The following TCF25 variants were observed in gnomAD, a reference collection of about 807,000 sequenced individuals.
TCF25 encodes ribosome quality control complex subunit TCF25.
A neutral mutation model predicts 83.1 loss-of-function variants in TCF25; 41 were observed. The ratio of observed to expected loss-of-function variants is 0.49; its 90% CI spans 0.38 to 0.64. The LOEUF (loss-of-function observed/expected upper bound fraction) is 0.64. Among genes scored for constraint, TCF25 ranks in the 30% least tolerant of loss-of-function variants. The pLI is 0.00. For missense variants in TCF25, 979 were observed against 914.5 expected (o/e 1.07, Z -0.91); for synonymous variants, 458 against 365.0 (o/e 1.25, Z -2.90).
chr16:89,887,216 C>T (rs76212088), intron 4 of TCF25, among the ~76,000 whole-genome samples: 1 of 151,990 alleles, frequency 6.6e-6, no homozygotes, highest in African/African-American at 2.4e-5. Flanking sequence ...TCCTCCTTAC[C>T]CTGTCATCCT....
chr16:89,887,826 A>T (rs1210225730), intron 5 of TCF25, 109 bp downstream of exon 5: 1 of 1,034,398 alleles, frequency 9.7e-7, no homozygotes, highest in Non-Finnish European at 1.4e-6. Context: ...GAGTATTTAA[A>T]GCCAGAGTGC....
intron 7 of TCF25, among the ~76,000 whole-genome samples, chr16:89,894,702 C>T (rs927904493): frequency 5.3e-5 from 8 of 152,190 alleles, no homozygotes; most frequent in Non-Finnish European, 1.2e-4. Flanking sequence ...CTCACTCTGT[C>T]GCCTAAGCTA....
chr16:89,895,890 C>A (rs2043812155), intron 8 of TCF25, 100 bp from the exon 9 acceptor site: 3 of 1,096,310 alleles, frequency 2.7e-6, no homozygotes, highest in African/African-American at 3.2e-5. Context: ...AGTTTCGTGA[C>A]CTTCCGTCCA....
At chr16:89,878,375 C>T (rs2042347059) in intron 1 of TCF25, 2 of 1,164,828 alleles carry the variant, frequency 1.7e-6, no homozygotes, top group South Asian at 1.6e-5. Context: ...CACCTGAGGT[C>T]AGGAGTTCGA....
intron 16 of TCF25, among the ~76,000 whole-genome samples, chr16:89,908,632 A>T (rs868051296): frequency 4.8e-4 from 3 of 6,212 alleles, no homozygotes; most frequent in Non-Finnish European, 6.8e-4. Flanking sequence ...CCCAGCTCCC[A>T]CCTCCCACCT....
intron 1 of TCF25, among the ~76,000 whole-genome samples, chr16:89,881,527 G>A (rs1213089896): frequency 2.1e-5 from 2 of 94,998 alleles, no homozygotes; most frequent in African/African-American, 2.1e-4. Context: ...CTCACTCCAG[G>A]TTCCAGATTC....
At chr16:89,896,277 G>C (rs1597340937) in intron 9 of TCF25, among the ~76,000 whole-genome samples, 194 bp downstream of exon 9, 1 of 152,220 alleles carries the variant, frequency 6.6e-6, no homozygotes, top group Admixed American at 6.5e-5. Context: ...GTTTACCTTT[G>C]TCTGTGGACA....
intron 6 of TCF25, 59 bp from the exon 7 acceptor site, chr16:89,893,669 T>G (rs2043600416): frequency 6.2e-7 from 1 of 1,610,994 alleles, no homozygotes; most frequent in African/African-American, 1.3e-5. Flanking sequence ...AGGGCTGTGC[T>G]CGGAGCTGCC....
chr16:89,910,273 C>T (rs1436727132), intron 16 of TCF25: 2 of 417,298 alleles, frequency 4.8e-6, no homozygotes, highest in South Asian at 2.9e-5. Context: ...GAAACTGCAG[C>T]TTTTCTGAAA....
At chr16:89,907,482 TCCCAGCTCCCA>T (rs2044953146) in intron 16 of TCF25, among the ~76,000 whole-genome samples, 160 bp downstream of exon 16, 1 of 87,536 alleles carries the variant, frequency 1.1e-5, no homozygotes, top group Admixed American at 1.4e-4. Context: ...ACCTCCCACC[TCCCAGCTCCCA>T]CCTCCCTCCT....
At position 89,904,168 on chromosome 16, in the gene TCF25, T is replaced by G. The variant is rs1217893674; in HGVS notation, c.1432T>G (p.Ser478Ala). The G allele has an allele frequency of 5.0e-6, 8 of 1,602,036 alleles. No individual in the cohort carries two copies. Among genetic ancestry groups the G allele is most frequent in the South Asian group, 4.5e-5 (4 of 88,720 alleles). The stretch of plus-strand genomic sequence containing the variant: ...CAGTGTGCGGCCCGACGCCAGCGTT[T>G]CCAGTCACCGCTTCTTTGGACCCAA... The part of the protein sequence containing the change: ...SCSVRPDASV[S>A]SHRFFGPNAE... Residue 478 changes from serine (S) to alanine (A), a missense_variant, in exon 13 of 18, where the codon TCC (serine) becomes GCC (alanine). Ser to Ala is a moderately conservative substitution (Grantham distance 99). Transcript: ENST00000263346.
Position 89,873,618 on chromosome 16 carries a change from T to C in TCF25, c.-50T>C. 1 of 1,348,000 alleles carries C rather than the reference T, an allele frequency of 7.4e-7. No homozygotes were observed. The allele number at this position is 1,348,000 out of a possible 1,614,324, so 83.5% of individuals were successfully genotyped here. A position where few individuals can be genotyped will look rare whatever the true frequency, so the allele number is the denominator to read the frequency against. On this transcript the variant is annotated 5_prime_UTR_variant, in exon 1 of 18. Transcript: ENST00000263346. ...TGCGCAGGCGCGCCGACAGCCGAGT[T>C]TTCTGCGCTTCCTTCTCCCTCTCTC...
At chr16:89,894,687 G>A (rs1036990490) in intron 7 of TCF25, among the ~76,000 whole-genome samples, 3 of 152,126 alleles carry the variant, frequency 2.0e-5, no homozygotes, top group Non-Finnish European at 2.9e-5. Flanking sequence ...TTTTGGAGTC[G>A]GAATCTCACT....
At chr16:89,882,235 T>C (rs1475015963) in intron 1 of TCF25, among the ~76,000 whole-genome samples, 2 of 152,192 alleles carry the variant, frequency 1.3e-5, no homozygotes, top group African/African-American at 4.8e-5. Context: ...TCATTCTCAC[T>C]GCTATAAAAA....
At chr16:89,894,452 A>T (rs1367699627) in intron 7 of TCF25, among the ~76,000 whole-genome samples, 1 of 152,070 alleles carries the variant, frequency 6.6e-6, no homozygotes, top group African/African-American at 2.4e-5. Context: ...CAGCCTCCGC[A>T]GAGCTCCCCG....
chr16:89,894,097 C>A (rs902445390), intron 7 of TCF25, among the ~76,000 whole-genome samples: 5 of 152,204 alleles, frequency 3.3e-5, no homozygotes, highest in Non-Finnish European at 7.4e-5. Context: ...GCTCTCTCAG[C>A]CGTTCCTGGG....
chr16:89,898,339 AGTGTGTGGGGTG>A (rs2044034897), intron 9 of TCF25, among the ~76,000 whole-genome samples: 3 of 148,746 alleles, frequency 2.0e-5, no homozygotes, highest in African/African-American at 7.5e-5. Context: ...GGCGCTGAGC[AGTGTGTGGGGTG>A]GAGCGGGTGT....
chr16:89,881,225 G>A (rs912725421), intron 1 of TCF25, among the ~76,000 whole-genome samples: 2 of 152,108 alleles, frequency 1.3e-5, no homozygotes, highest in Non-Finnish European at 2.9e-5. Flanking sequence ...CCGCAGCCGG[G>A]GTGTCTGTCT....
At chr16:89,878,278 TCA>T (rs759098626) in intron 1 of TCF25, among the ~76,000 whole-genome samples, 3 of 142,754 alleles carry the variant, frequency 2.1e-5, no homozygotes, top group African/African-American at 2.7e-5. Context: ...AGACCCTGTC[TCA>T]AAAAAAAAAA....
Sources: allele counts gnomAD v4.1 joint callset (sites outside exome capture counted in the v4.1 genomes callset), GRCh38; gene constraint gnomAD v4.1.1; transcripts MANE v1.5; gene names NCBI Gene and HGNC (gene_info 2026-07-23, HGNC 2026-07-21).